Variants in KPNA7 observed in about 807,000 individuals in gnomAD.
KPNA7 encodes karyopherin subunit alpha 7.
A neutral mutation model predicts 53.7 loss-of-function variants in KPNA7; 54 were observed. That is an observed-to-expected ratio of 1.01 (90% confidence interval 0.81 to 1.26). The LOEUF (loss-of-function observed/expected upper bound fraction) is 1.26, where lower values mean the gene tolerates loss of function less well. KPNA7 is among the 50% of genes most tolerant of loss of function. KPNA7 has a pLI of 0.00. For synonymous variants in KPNA7, 276 were observed against 259.3 expected, an observed-to-expected ratio of 1.06 and a Z score of -0.62; for missense variants, 640 against 644.5, an observed-to-expected ratio of 0.99 and a Z score of 0.07.
chr7:99,164,278 C>T, the KPNA7 span, among the ~76,000 whole-genome samples: 1 of 151,662 alleles, frequency 6.6e-6, no homozygotes, highest in Non-Finnish European at 1.5e-5. Flanking sequence ...GAAAATGTGG[C>T]ACATATACAC....
intron 1 of KPNA7, among the ~76,000 whole-genome samples, chr7:99,214,903 G>T (rs1340141052): frequency 6.6e-6 from 1 of 152,010 alleles, no homozygotes; most frequent in African/African-American, 2.4e-5. Context: ...TTGTTGCTAC[G>T]CTTCACATGT....
chr7:99,182,262 A>G (rs1789295380), intron 8 of KPNA7, among the ~76,000 whole-genome samples, 197 bp from the exon 9 acceptor site: 1 of 151,962 alleles, frequency 6.6e-6, no homozygotes, highest in Admixed American at 6.6e-5. Flanking sequence ...CAGTGGCGCA[A>G]TCTCAGCTCA....
rs952023238 is a variant in KPNA7, at chr7:99,178,001, A to G, written c.1383T>C (p.Asp461=). 1 of 1,551,782 alleles carries G rather than the reference A, an allele frequency of 6.4e-7. No individual in the cohort carries two copies. Among genetic ancestry groups the G allele is most frequent in the Admixed American group, 2.0e-5 (1 of 50,972 alleles). ...CATGCAGCTGTAAAGCCTCAATTCT[A>G]TCGATCCCACCAAGTTCTTCTATCA... is the stretch of plus-strand genomic sequence containing the variant. ...CLLIEELGGI[D]RIEALQLHEN... is the part of the protein sequence containing the mutation. Residue 461 remains aspartate (D), a synonymous_variant, in exon 10 of 11, where the codon GAT becomes GAC. Transcript: ENST00000327442.
In KPNA7 at chr7:99,207,462, G is replaced by A. The variant is rs776296643; in HGVS notation, c.5C>T (p.Pro2Leu). The A allele has an allele frequency of 2.9e-5, 45 of 1,551,014 alleles. No homozygotes were observed. The highest frequency in any genetic ancestry group is 3.5e-5 in the Non-Finnish European group (40 of 1,146,766). The change falls in exon 2 of 11, where the codon CCG becomes CTG. Residue 2 changes from proline (P) to leucine (L), a missense_variant. Coordinates refer to ENST00000327442, the MANE Select transcript of KPNA7 (RefSeq NM_001145715.3). ...CCTCTCTTCTGGAGCATCTAAGGTCGGCATATTGACTGGAAGTAGTAAGTT... is the reference window on the plus strand; with the variant it reads ...CCTCTCTTCTGGAGCATCTAAGGTCAGCATATTGACTGGAAGTAGTAAGTT... M[P>L]TLDAPEERRR...
At position 99,196,535 on chromosome 7, in the gene KPNA7, G is replaced by A. The variant is rs1277462196; in HGVS notation, c.202-369C>T. Among the ~76,000 whole-genome samples, 3 of 152,194 alleles carry A rather than the reference G, an allele frequency of 2.0e-5. No individual in the cohort carries two copies. The East Asian group carries it at 5.8e-4, about 29-fold the overall frequency. On this transcript the variant is annotated intron_variant, in intron 3 of 10. Transcript: ENST00000327442. ...AAATAGAATCAACTTTTTCAGCACT[G>A]TAGAAATTGACCAAAGGCTTGCGGC...
chr7:99,150,907 C>T, the KPNA7 span, among the ~76,000 whole-genome samples: 3 of 152,082 alleles, frequency 2.0e-5, no homozygotes, highest in African/African-American at 4.8e-5. Context: ...TGAGTCCTGG[C>T]GAGGCTCTAA....
chr7:99,202,434 T>C (rs184052116), intron 3 of KPNA7, among the ~76,000 whole-genome samples: 1 of 152,244 alleles, frequency 6.6e-6, no homozygotes, highest in African/African-American at 2.4e-5. Context: ...AGTCAAAGTG[T>C]TAGGAAAGAC....
chr7:99,161,517 A>G, the KPNA7 span, among the ~76,000 whole-genome samples: 1,551 of 152,260 alleles, frequency 0.01, 20 homozygotes, highest in African/African-American at 0.036. Context: ...AACCATCTAA[A>G]TTGTCCCCCA....
chr7:99,184,463 T>G (rs2150723596), intron 8 of KPNA7, among the ~76,000 whole-genome samples: 1 of 152,126 alleles, frequency 6.6e-6, no homozygotes, highest in South Asian at 2.1e-4. Context: ...GCACTCAGCC[T>G]GCTTTGTTGT....
At chr7:99,148,488 T>A in the KPNA7 span, among the ~76,000 whole-genome samples, 1 of 152,250 alleles carries the variant, frequency 6.6e-6, no homozygotes, top group Non-Finnish European at 1.5e-5. Context: ...AAAATTCATA[T>A]GTGCAAATAC....
the KPNA7 span, among the ~76,000 whole-genome samples, chr7:99,152,394 G>GA: frequency 3.2e-3 from 472 of 145,778 alleles, no homozygotes; most frequent in South Asian, 0.01. Context: ...GAAAGAAAAA[G>GA]AAAAAAAAAA....
chr7:99,219,027 C>T (rs1038888720), intron 1 of KPNA7, among the ~76,000 whole-genome samples: 2 of 152,268 alleles, frequency 1.3e-5, no homozygotes, highest in Non-Finnish European at 2.9e-5. Flanking sequence ...AGGTGTTTCG[C>T]AGCCCTTGGC....
the KPNA7 span, among the ~76,000 whole-genome samples, chr7:99,162,071 G>A: frequency 7.9e-6 from 1 of 125,832 alleles, no homozygotes. Flanking sequence ...TTGAGATTGA[G>A]TTTTGCTCTT....
At chr7:99,202,317 C>T (rs898739041) in intron 3 of KPNA7, among the ~76,000 whole-genome samples, 3 of 152,066 alleles carry the variant, frequency 2.0e-5, no homozygotes, top group Non-Finnish European at 2.9e-5. Context: ...AGGAAAACTT[C>T]CTGGTCAAGG....
chr7:99,154,104 T>C, the KPNA7 span, among the ~76,000 whole-genome samples: 77 of 152,040 alleles, frequency 5.1e-4, no homozygotes, highest in Non-Finnish European at 8.2e-4. Context: ...TTCCCATTAA[T>C]GATTCACCAA....
At chr7:99,189,238 A>G (rs1295664715) in intron 6 of KPNA7, among the ~76,000 whole-genome samples, 12 of 152,128 alleles carry the variant, frequency 7.9e-5, no homozygotes, top group Non-Finnish European at 1.6e-4. Context: ...CTTCTAATTG[A>G]GAATCAGTCT....
the KPNA7 span, among the ~76,000 whole-genome samples, chr7:99,154,440 T>C: frequency 6.6e-6 from 1 of 152,252 alleles, no homozygotes; most frequent in South Asian, 2.1e-4. Flanking sequence ...AAATGCTTTT[T>C]TATTACAGGT....
chr7:99,172,990 A>G (rs910661192), downstream of KPNA7, among the ~76,000 whole-genome samples: 1 of 144,874 alleles, frequency 6.9e-6, no homozygotes. Flanking sequence ...GGAACCTGGG[A>G]GACGGAGGTT....
In KPNA7 at chr7:99,193,012, CACTT is replaced by C. The variant is rs1584292693; in HGVS notation, c.636+3_636+6del. On this transcript the variant is annotated splice_donor_5th_base_variant and intron_variant, in intron 6 of 10. Transcript: ENST00000327442. The stretch of plus-strand genomic sequence containing the variant: ...AAAAAAAAAAAGAGAAAGAAAAAGA[CACTT>C]ACCGGCAGGGTGGGTGAAATCAAGG... 6 of 1,482,512 alleles carry C rather than the reference CACTT, an allele frequency of 4.0e-6. No individual in the cohort carries two copies. Among genetic ancestry groups the C allele is most frequent in the African/African-American group, 1.4e-5 (1 of 69,176 alleles). The allele number at this position is 1,482,512 out of a possible 1,614,324, so 91.8% of individuals were successfully genotyped here.
Sources: gnomAD v4.1 joint callset for allele counts (sites outside exome capture counted in the v4.1 genomes callset) on GRCh38, gnomAD v4.1.1 for gene constraint, MANE v1.5 for transcripts, NCBI Gene and HGNC (gene_info 2026-07-23, HGNC 2026-07-21) for gene names.